Variants in KDM4C observed in about 807,000 individuals in gnomAD.
KDM4C encodes lysine-specific demethylase 4C.
In KDM4C, 81 loss-of-function variants were observed where a neutral mutation model predicts 129.3. The observed-to-expected ratio is 0.63, with a 90% confidence interval of 0.52 to 0.75. The LOEUF is 0.75. KDM4C is among the 30% of genes least tolerant of loss of function. The pLI is 0.00. For missense variants in KDM4C, 1,457 were observed against 1,304.0 expected, an observed-to-expected ratio of 1.12 and a Z score of -1.81; for synonymous variants, 573 against 456.1, an observed-to-expected ratio of 1.26 and a Z score of -3.26.
intron 11 of KDM4C, chr9:6,986,973 G>A: frequency 3.8e-6 from 1 of 262,882 alleles, no homozygotes; most frequent in Non-Finnish European, 7.2e-6. Context: ...GGGAAATAGT[G>A]CACAGTGATT....
At chr9:6,864,896 C>A (rs907191939) in intron 5 of KDM4C, among the ~76,000 whole-genome samples, 7 of 151,036 alleles carry the variant, frequency 4.6e-5, no homozygotes, top group Non-Finnish European at 8.8e-5. Flanking sequence ...TTGATCAATT[C>A]TGCTGTTGAG....
intron 4 of KDM4C, among the ~76,000 whole-genome samples, chr9:6,819,880 G>T (rs548519121): frequency 6.6e-6 from 1 of 152,208 alleles, no homozygotes; most frequent in East Asian, 1.9e-4. Context: ...ATTGTACCAA[G>T]AACTGGTTTC....
intron 8 of KDM4C, among the ~76,000 whole-genome samples, chr9:6,974,262 G>A (rs2131731787): frequency 6.6e-6 from 1 of 152,256 alleles, no homozygotes; most frequent in South Asian, 2.1e-4. Flanking sequence ...CTCTAACAAG[G>A]AAATCAGTAT....
intron 1 of KDM4C, among the ~76,000 whole-genome samples, chr9:6,776,611 T>A (rs904252443): frequency 1.3e-5 from 2 of 150,408 alleles, no homozygotes; most frequent in African/African-American, 4.9e-5. Flanking sequence ...TTTTTTTTTT[T>A]TTTTTTTTTT....
intron 8 of KDM4C, among the ~76,000 whole-genome samples, chr9:6,977,157 A>G (rs1833057375): frequency 6.6e-6 from 1 of 152,170 alleles, no homozygotes; most frequent in Non-Finnish European, 1.5e-5. Context: ...TCATTTGGAC[A>G]TATTTAAATC....
chr9:6,887,113 T>A (rs886841372), intron 6 of KDM4C, among the ~76,000 whole-genome samples: 1 of 152,236 alleles, frequency 6.6e-6, no homozygotes, highest in Non-Finnish European at 1.5e-5. Context: ...CATGATTCTC[T>A]GTCTTTTCCT....
intron 8 of KDM4C, among the ~76,000 whole-genome samples, chr9:6,931,504 A>G (rs549479556): frequency 6.7e-6 from 1 of 148,498 alleles, no homozygotes; most frequent in Admixed American, 6.7e-5. Flanking sequence ...ATATATATAT[A>G]TATTTTTTTT....
At chr9:7,158,119 C>G (rs1430377299) in intron 19 of KDM4C, among the ~76,000 whole-genome samples, 1 of 152,076 alleles carries the variant, frequency 6.6e-6, no homozygotes, top group Non-Finnish European at 1.5e-5. Context: ...TCCATTTCTT[C>G]TAGATTTTCT....
chr9:6,913,679 T>G (rs1057354115), intron 8 of KDM4C, among the ~76,000 whole-genome samples: 3 of 152,160 alleles, frequency 2.0e-5, no homozygotes, highest in Non-Finnish European at 4.4e-5. Flanking sequence ...TTCCTTCTTA[T>G]CAGGAAAGCT....
chr9:6,963,786 C>T (rs549592814), intron 8 of KDM4C, among the ~76,000 whole-genome samples: 1 of 152,266 alleles, frequency 6.6e-6, no homozygotes, highest in Admixed American at 6.5e-5. Flanking sequence ...TACCTCAAGG[C>T]CCCTAACAGC....
chr9:6,916,474 G>A (rs1466734853), intron 8 of KDM4C, among the ~76,000 whole-genome samples: 1 of 151,948 alleles, frequency 6.6e-6, no homozygotes, highest in African/African-American at 2.4e-5. Flanking sequence ...AGGCCTCACT[G>A]TGTTGCCCTG....
At chr9:7,044,510 A>C (rs964748868) in intron 15 of KDM4C, among the ~76,000 whole-genome samples, 1 of 151,936 alleles carries the variant, frequency 6.6e-6, no homozygotes, top group African/African-American at 2.4e-5. Context: ...TGATGGAGAG[A>C]ACAGGGTGGA....
chr9:7,161,172 T>A (rs925371079), intron 19 of KDM4C, among the ~76,000 whole-genome samples: 1 of 152,290 alleles, frequency 6.6e-6, no homozygotes, highest in South Asian at 2.1e-4. Context: ...TGCTGGTTGC[T>A]AAGACCTTGA....
intron 2 of KDM4C, among the ~76,000 whole-genome samples, chr9:6,800,838 G>A (rs1320671962): frequency 1.3e-5 from 2 of 152,114 alleles, no homozygotes; most frequent in African/African-American, 2.4e-5. Context: ...ATGTTGCCTA[G>A]GCTTGTCTCG....
At chr9:7,156,852 A>C (rs1463121894) in intron 19 of KDM4C, among the ~76,000 whole-genome samples, 2 of 152,182 alleles carry the variant, frequency 1.3e-5, no homozygotes, top group Non-Finnish European at 2.9e-5. Flanking sequence ...TTTTGGTTCC[A>C]TATGAACTTT....
chr9:6,738,680 A>G (rs1006653070), intron 1 of KDM4C, among the ~76,000 whole-genome samples: 1 of 151,774 alleles, frequency 6.6e-6, no homozygotes, highest in Non-Finnish European at 1.5e-5. Context: ...TCTTGGTTCA[A>G]GCAATTCTCC....
chr9:6,925,350 T>G, intron 8 of KDM4C: 3 of 985,450 alleles, frequency 3.0e-6, no homozygotes, highest in Non-Finnish European at 3.6e-6. Flanking sequence ...TTCATTTTCT[T>G]TTGGCGAAGA....
chr9:6,822,571 A>G (rs777441820), intron 4 of KDM4C, among the ~76,000 whole-genome samples: 2 of 152,352 alleles, frequency 1.3e-5, no homozygotes, highest in Middle Eastern at 3.4e-3. Context: ...GTACATACAC[A>G]TAAGGAACTT....
chr9:6,932,144 C>A (rs58213169), intron 8 of KDM4C, among the ~76,000 whole-genome samples: 3 of 151,996 alleles, frequency 2.0e-5, no homozygotes, highest in Non-Finnish European at 2.9e-5. Context: ...TGTCATCAGG[C>A]ATGTACTTCA....
Sources: gnomAD v4.1 joint callset for allele counts (sites outside exome capture counted in the v4.1 genomes callset) on GRCh38, gnomAD v4.1.1 for gene constraint, MANE v1.5 for transcripts, NCBI Gene and HGNC (gene_info 2026-07-23, HGNC 2026-07-21) for gene names.